Variants in KCNJ6 observed in about 807,000 individuals in gnomAD.
KCNJ6 encodes G protein-activated inward rectifier potassium channel 2.
In KCNJ6, 9 loss-of-function variants were observed where a neutral mutation model predicts 34.2. The observed-to-expected ratio is 0.26, with a 90% CI of 0.16 to 0.46. The LOEUF (loss-of-function observed/expected upper bound fraction) is 0.46. Among genes scored for constraint, KCNJ6 ranks in the 20% least tolerant of loss-of-function variants. The pLI is 1.00. For synonymous variants in KCNJ6, 196 were observed against 207.1 expected (o/e 0.95, Z 0.46); for missense variants, 236 against 531.3 (o/e 0.44, Z 5.46).
At position 37,620,823 on chromosome 21, in the gene KCNJ6, A is replaced by G. The variant is rs1245953899; in HGVS notation, c.*4336T>C. 1.3e-5 allele frequency: 2 copies of G among 152,222 alleles called. No homozygotes were observed. Among genetic ancestry groups the G allele is most frequent in the Admixed American group, 1.3e-4 (2 of 15,284 alleles). 9.4% of individuals were successfully genotyped at this position (152,222 alleles called of 1,614,324 possible). A position where few individuals can be genotyped will look rare whatever the true frequency, so the allele number is the denominator to read the frequency against. ...TAAAATATTGTTGGGTTATTATTAT[A>G]TATTCTGTGATTTATCAAAATCTCT... On this transcript the variant is annotated 3_prime_UTR_variant, in exon 4 of 4. Transcript: ENST00000609713.
intron 1 of KCNJ6, among the ~76,000 whole-genome samples, chr21:37,858,320 G>C (rs997721050): frequency 1.3e-5 from 2 of 150,432 alleles, no homozygotes; most frequent in Non-Finnish European, 3.0e-5. Flanking sequence ...GTGAACCCGG[G>C]AGGCGGAGCT....
rs34782067 is a variant in KCNJ6, at chr21:37,610,620, A to AAAAAAAAAAAAAAAAAAAG, written c.*14538_*14539insCTTTTTTTTTTTTTTTTTT. On this transcript the variant is annotated 3_prime_UTR_variant, in exon 4 of 4. Coordinates refer to ENST00000609713, the MANE Select transcript of KCNJ6 (RefSeq NM_002240.5). ...TCTTAAAAAAAAAAAAAAAAAAAAA[A>AAAAAAAAAAAAAAAAAAAG]GGAATACAAGTCCTACAATGTTTGC... The AAAAAAAAAAAAAAAAAAAG allele has an allele frequency of 6.7e-6, 1 of 149,526 alleles. No homozygotes were observed. The highest frequency in any genetic ancestry group is 2.5e-5 in the African/African-American group (1 of 40,770). 9.3% of individuals were successfully genotyped at this position (149,526 alleles called of 1,614,324 possible). A position where few individuals can be genotyped will look rare whatever the true frequency, so the allele number is the denominator to read the frequency against.
intron 3 of KCNJ6, among the ~76,000 whole-genome samples, chr21:37,688,073 A>G (rs1569445670): frequency 6.6e-6 from 1 of 151,818 alleles, no homozygotes; most frequent in Non-Finnish European, 1.5e-5. Context: ...GAAATAGAGA[A>G]CTCTCTATTT....
Position 37,609,916 on chromosome 21 carries a change from G to T in KCNJ6, c.*15243C>A, listed in dbSNP as rs564784736. The T allele has an allele frequency of 6.6e-6, 1 of 152,302 alleles. No homozygotes were observed. Among genetic ancestry groups the T allele is most frequent in the Admixed American group, 6.5e-5 (1 of 15,302 alleles). The allele number at this position is 152,302 out of a possible 1,614,324, so 9.4% of individuals were successfully genotyped here. On this transcript the variant is annotated 3_prime_UTR_variant, in exon 4 of 4. Transcript: ENST00000609713. ...GACCTTCCTTGGACATTTTTCTACTGCAGAGAAGACCACAGTGCATGTCCA... is the reference window on the plus strand; with the variant it reads ...GACCTTCCTTGGACATTTTTCTACTTCAGAGAAGACCACAGTGCATGTCCA...
chr21:37,904,679 A>G (rs2055832811), intron 1 of KCNJ6, among the ~76,000 whole-genome samples: 1 of 152,184 alleles, frequency 6.6e-6, no homozygotes, highest in Admixed American at 6.5e-5. Context: ...GACTTCTATC[A>G]AAGCATAAGT....
In KCNJ6 at chr21:37,682,820, A is replaced by G. The variant is rs764863680; in HGVS notation, c.946+31391T>C. Among the ~76,000 whole-genome samples, 63 of 152,128 alleles carry G rather than the reference A, an allele frequency of 4.1e-4. 1 individual carries two copies. The highest frequency in any genetic ancestry group is 8.1e-4 in the Non-Finnish European group (55 of 68,026). On this transcript the variant is annotated intron_variant, in intron 3 of 3. Coordinates refer to ENST00000609713, the MANE Select transcript of KCNJ6 (RefSeq NM_002240.5). ...CAGGGGTGTTCCTTGGGGTGGGGCC[A>G]ATTCTGGGTCCTGCTGCTCATCCCT... is the stretch of plus-strand genomic sequence containing the variant.
intron 2 of KCNJ6, among the ~76,000 whole-genome samples, chr21:37,828,756 C>T (rs1008579268): frequency 2.0e-5 from 3 of 152,206 alleles, no homozygotes; most frequent in African/African-American, 7.2e-5. Flanking sequence ...ACTCAATTTC[C>T]AGAGCTGAGG....
Position 37,616,246 on chromosome 21 carries a change from C to G in KCNJ6, c.*8913G>C, listed in dbSNP as rs1306856230. 2 of 152,176 alleles carry G rather than the reference C, an allele frequency of 1.3e-5. No homozygotes were observed. Among genetic ancestry groups the G allele is most frequent in the African/African-American group, 4.8e-5 (2 of 41,432 alleles). 9.4% of individuals were successfully genotyped at this position (152,176 alleles called of 1,614,324 possible). A position where few individuals can be genotyped will look rare whatever the true frequency, so the allele number is the denominator to read the frequency against. Reference sequence around the variant, plus strand: ...TTCCCCAGAGTACAGTCTGTGCAGACAGTGGGAAAGGAAAGAGCACTTTGC... The same window carrying G: ...TTCCCCAGAGTACAGTCTGTGCAGAGAGTGGGAAAGGAAAGAGCACTTTGC... On this transcript the variant is annotated 3_prime_UTR_variant, in exon 4 of 4. Coordinates refer to ENST00000609713, the MANE Select transcript of KCNJ6 (RefSeq NM_002240.5).
At chr21:37,902,671 G>A (rs1430396562) in intron 1 of KCNJ6, among the ~76,000 whole-genome samples, 1 of 152,170 alleles carries the variant, frequency 6.6e-6, no homozygotes, top group Non-Finnish European at 1.5e-5. Context: ...TTTGCATCTG[G>A]CAGAGAGAAG....
chr21:37,677,770 G>GTCCATCCATCCATCCA (rs1232975724), intron 3 of KCNJ6, among the ~76,000 whole-genome samples: 1 of 7,362 alleles, frequency 1.4e-4, no homozygotes, highest in African/African-American at 6.3e-4. Context: ...CAAACCATTT[G>GTCCATCCATCCATCCA]TCCATCCATC....
At chr21:37,774,600 G>A (rs1485496189) in intron 2 of KCNJ6, among the ~76,000 whole-genome samples, 1 of 86,478 alleles carries the variant, frequency 1.2e-5, no homozygotes, top group Non-Finnish European at 2.4e-5. Flanking sequence ...AACATGCAAT[G>A]TTTGCTTTTT....
chr21:37,631,814 G>A (rs1229345707), intron 3 of KCNJ6, among the ~76,000 whole-genome samples: 1 of 152,178 alleles, frequency 6.6e-6, no homozygotes, highest in Non-Finnish European at 1.5e-5. Flanking sequence ...AATTGAGTGT[G>A]AGGACTTCCC....
intron 2 of KCNJ6, among the ~76,000 whole-genome samples, chr21:37,785,203 G>C (rs548415663): frequency 6.6e-6 from 1 of 152,200 alleles, no homozygotes; most frequent in African/African-American, 2.4e-5. Flanking sequence ...GGCCCATGAG[G>C]ATGAGAACCT....
At chr21:37,705,371 C>T (rs975504856) in intron 3 of KCNJ6, among the ~76,000 whole-genome samples, 1 of 152,144 alleles carries the variant, frequency 6.6e-6, no homozygotes, top group African/African-American at 2.4e-5. Context: ...CCAACTTCCT[C>T]ATTTGTTAAA....
At chr21:37,646,551 G>A (rs1240121142) in intron 3 of KCNJ6, among the ~76,000 whole-genome samples, 1 of 152,222 alleles carries the variant, frequency 6.6e-6, no homozygotes, top group Admixed American at 6.5e-5. Flanking sequence ...CTCTAGGGAG[G>A]GTTGGCATGT....
At chr21:37,777,640 T>A (rs1340922584) in intron 2 of KCNJ6, among the ~76,000 whole-genome samples, 1 of 152,210 alleles carries the variant, frequency 6.6e-6, no homozygotes, top group African/African-American at 2.4e-5. Context: ...ACTGACATCT[T>A]TTTTGACAAG....
intron 2 of KCNJ6, among the ~76,000 whole-genome samples, chr21:37,745,582 T>TG (rs1475049172): frequency 6.6e-6 from 1 of 152,232 alleles, no homozygotes; most frequent in Non-Finnish European, 1.5e-5. Context: ...AGACTCCTGT[T>TG]GGACTTCTGA....
intron 2 of KCNJ6, among the ~76,000 whole-genome samples, chr21:37,834,279 G>T (rs1303574026): frequency 6.6e-6 from 1 of 152,216 alleles, no homozygotes; most frequent in Non-Finnish European, 1.5e-5. Flanking sequence ...CCAGTCATCT[G>T]CTATCAATGC....
intron 2 of KCNJ6, among the ~76,000 whole-genome samples, chr21:37,828,279 T>A (rs150746782): frequency 1.9e-3 from 284 of 152,228 alleles, no homozygotes; most frequent in Non-Finnish European, 3.5e-3. Context: ...CTGCTGAACA[T>A]CCCGGACGCC....
Sources: allele counts gnomAD v4.1 joint callset (sites outside exome capture counted in the v4.1 genomes callset), GRCh38; gene constraint gnomAD v4.1.1; transcripts MANE v1.5; gene names NCBI Gene and HGNC (gene_info 2026-07-23, HGNC 2026-07-21).